The following ZAN variants were observed in gnomAD, a reference collection of about 807,000 sequenced individuals.
ZAN encodes the protein zonadhesin.
In ZAN, 260 loss-of-function variants were observed where a neutral mutation model predicts 286.2. That is an observed-to-expected ratio of 0.91 (90% CI 0.82 to 1.01). ZAN has a LOEUF of 1.01. ZAN is among the 50% of genes least tolerant of loss of function. The pLI is 0.00. For synonymous variants in ZAN, 1,368 were observed against 1,417.5 expected, an observed-to-expected ratio of 0.97 and a Z score of 0.79; for missense variants, 3,410 against 3,639.2, an observed-to-expected ratio of 0.94 and a Z score of 1.62.
chr7:100,739,174 G>A (rs1185482277), intron 7 of ZAN, among the ~76,000 whole-genome samples: 1 of 134,902 alleles, frequency 7.4e-6, no homozygotes, highest in African/African-American at 2.7e-5. Flanking sequence ...ACCATGCCCG[G>A]CTAATTTTTG....
At chr7:100,771,759 A>G (rs1810379497) in intron 28 of ZAN, 85 bp from the exon 29 acceptor site, 17 of 1,408,976 alleles carry the variant, frequency 1.2e-5, no homozygotes, top group Non-Finnish European at 1.4e-5. Flanking sequence ...ACTGAAGTGG[A>G]TGTCGAATCA....
chr7:100,755,366 C>A lies in ZAN; in HGVS notation c.3265C>A (p.Gln1089Lys), dbSNP rs753953850. ...GFLFSDNHCI[Q>K]ASSCNCFYNN... Reference sequence around the variant, plus strand: ...TTTGTTTAGTGACAACCACTGCATCCAGGCCTCTTCCTGCAATTGCTTCTA... The same window carrying A: ...TTTGTTTAGTGACAACCACTGCATCAAGGCCTCTTCCTGCAATTGCTTCTA... Residue 1089 changes from glutamine (Q) to lysine (K), a missense_variant, in exon 15 of 48, where the codon CAG (glutamine) becomes AAG (lysine). Gln to Lys is a moderately conservative substitution (Grantham distance 53). Coordinates refer to ENST00000613979, the MANE Select transcript of ZAN (RefSeq NM_003386.3). The A allele has an allele frequency of 1.9e-5, 30 of 1,613,730 alleles. No individual in the cohort carries two copies. Among genetic ancestry groups the A allele is most frequent in the Non-Finnish European group, 2.5e-5 (30 of 1,179,834 alleles).
At chr7:100,740,376 T>C (rs1489127356) in intron 7 of ZAN, among the ~76,000 whole-genome samples, 1 of 99,108 alleles carries the variant, frequency 1.0e-5, no homozygotes, top group Non-Finnish European at 2.1e-5. Context: ...CATGGGACAA[T>C]AGTGGAGGGA....
At chr7:100,750,135 T>A (rs1029421920) in intron 11 of ZAN, among the ~76,000 whole-genome samples, 5 of 149,876 alleles carry the variant, frequency 3.3e-5, no homozygotes, top group African/African-American at 1.2e-4. Flanking sequence ...GCTGGTTTGT[T>A]ATTCCCTTTT....
At chr7:100,736,462 A>G in intron 3 of ZAN, 21 bp from the exon 4 acceptor site, 1 of 1,522,220 alleles carries the variant, frequency 6.6e-7, no homozygotes, top group Non-Finnish European at 9.0e-7. Context: ...CTGAAACCTC[A>G]CTGTGACCCA....
intron 29 of ZAN, 77 bp downstream of exon 29, chr7:100,772,097 CT>C (rs777506126): frequency 0.11 from 121,605 of 1,157,210 alleles, no homozygotes; most frequent in South Asian, 0.16. Flanking sequence ...CCTCTAAATT[CT>C]TTTTTTTTTT....
intron 9 of ZAN, 135 bp from the exon 10 acceptor site, chr7:100,748,002 A>AAG: frequency 1.4e-6 from 1 of 693,646 alleles, no homozygotes. Context: ...AAAAAAAAAA[A>AAG]GAAAGAAAGA....
At position 100,763,984 on chromosome 7, in the gene ZAN, C is replaced by G; in HGVS notation, c.4098-43C>G. The G allele has an allele frequency of 1.2e-6, 2 of 1,613,692 alleles. No homozygotes were observed. Among genetic ancestry groups the G allele is most frequent in the Non-Finnish European group, 1.7e-6 (2 of 1,179,698 alleles). On this transcript the variant is annotated intron_variant, in intron 21 of 47. Transcript: ENST00000613979. The surrounding 1 kb of genome is among the most constrained non-coding windows in gnomAD (Gnocchi z 4.6). The stretch of plus-strand genomic sequence containing the variant: ...GCACCTGGGCTCCTCCAAGGCTCTA[C>G]CCCCTTCCACTGCATTCCCCCTGAC...
intron 34 of ZAN, 32 bp from the exon 35 acceptor site, chr7:100,779,414 C>T (rs1331425775): frequency 5.1e-6 from 8 of 1,569,470 alleles, no homozygotes; most frequent in Non-Finnish European, 6.0e-6. Context: ...AGGGGGACGG[C>T]TGTCCCTAGG....
intron 23 of ZAN, 95 bp downstream of exon 23, chr7:100,765,649 CTTGTT>C (rs909982364): frequency 2.4e-5 from 34 of 1,424,880 alleles, no homozygotes; most frequent in Non-Finnish European, 2.7e-5. Context: ...CTTTTCGTTT[CTTGTT>C]TTGTTTTGTT....
intron 37 of ZAN, among the ~76,000 whole-genome samples, chr7:100,787,093 G>A (rs1811608249): frequency 6.6e-6 from 1 of 150,766 alleles, no homozygotes; most frequent in Admixed American, 6.6e-5. Flanking sequence ...TAATAATAAA[G>A]GGCCTCTAAT....
At chr7:100,762,961 C>A (rs1336801202) in intron 20 of ZAN, among the ~76,000 whole-genome samples, 1 of 150,228 alleles carries the variant, frequency 6.7e-6, no homozygotes, top group Non-Finnish European at 1.5e-5. Flanking sequence ...GGCTGCTGGC[C>A]CTCCCCAACG....
intron 44 of ZAN, among the ~76,000 whole-genome samples, chr7:100,794,818 CAGAG>C (rs1387187753): frequency 4.3e-5 from 6 of 139,682 alleles, no homozygotes; most frequent in African/African-American, 1.6e-4. Flanking sequence ...GCCTGGGTGA[CAGAG>C]TGAGATCTTG....
rs1811429861 is a variant in ZAN, at chr7:100,784,510, A to G, written c.6623-113A>G. 3.9e-6 allele frequency: 4 copies of G among 1,028,606 alleles called. No individual in the cohort carries two copies. The East Asian group carries it at 1.0e-4, about 26-fold the overall frequency. The allele number at this position is 1,028,606 out of a possible 1,614,324, so 63.7% of individuals were successfully genotyped here. A position where few individuals can be genotyped will look rare whatever the true frequency, so the allele number is the denominator to read the frequency against. On this transcript the variant is annotated intron_variant, in intron 35 of 47. Transcript: ENST00000613979. ...GCTGAATGAATAACAAAAGAACAAA[A>G]AAAGCTCCCCAAGCCTTGTTGGTCA... is the stretch of plus-strand genomic sequence containing the variant.
chr7:100,746,407 C>T (rs1584555919), intron 7 of ZAN, 131 bp from the exon 8 acceptor site: 1 of 1,189,554 alleles, frequency 8.4e-7, no homozygotes, highest in Non-Finnish European at 1.2e-6. Flanking sequence ...AGGACCACCT[C>T]AGTGCTGCCT....
intron 8 of ZAN, 131 bp downstream of exon 8, chr7:100,746,833 T>A: frequency 8.7e-7 from 1 of 1,152,922 alleles, no homozygotes; most frequent in Non-Finnish European, 1.2e-6. Context: ...TTCCATGAAG[T>A]GGAAATCATG....
chr7:100,785,753 G>A (rs775699831), intron 36 of ZAN, among the ~76,000 whole-genome samples: 1 of 151,782 alleles, frequency 6.6e-6, no homozygotes, highest in Non-Finnish European at 1.5e-5. Flanking sequence ...CTGCCTCCTG[G>A]GTTCAAGCAA....
intron 14 of ZAN, among the ~76,000 whole-genome samples, chr7:100,754,590 G>A (rs982483361): frequency 6.7e-6 from 1 of 150,308 alleles, no homozygotes; most frequent in Non-Finnish European, 1.5e-5. Flanking sequence ...TGCAACCTCT[G>A]CCTCTGGGGC....
At position 100,763,743 on chromosome 7, in the gene ZAN, T is replaced by C. The variant is rs1809745908; in HGVS notation, c.3987-63T>C. 8 of 1,536,690 alleles carry C rather than the reference T, an allele frequency of 5.2e-6. No individual in the cohort carries two copies. In the South Asian group the frequency reaches 7.9e-5, roughly 15 times the overall value. Reference sequence around the variant, plus strand: ...CCGGCCTGCCAGCCTTGCTGCCTGCTGGGTTAGGGATGAGCTGGAAGCGAG... The same window carrying C: ...CCGGCCTGCCAGCCTTGCTGCCTGCCGGGTTAGGGATGAGCTGGAAGCGAG... On this transcript the variant is annotated intron_variant, in intron 20 of 47. Coordinates refer to ENST00000613979, the MANE Select transcript of ZAN (RefSeq NM_003386.3). This position sits in a 1 kb window ranked among gnomAD's most constrained non-coding sequence, Gnocchi z 4.6.
Sources: gnomAD v4.1 joint callset for allele counts (sites outside exome capture counted in the v4.1 genomes callset) on GRCh38, gnomAD v4.1.1 for gene constraint, Gnocchi (gnomAD v3.1) non-coding constraint, MANE v1.5 for transcripts, NCBI Gene and HGNC (gene_info 2026-07-23, HGNC 2026-07-21) for gene names.